The following HOOK3 variants were observed in gnomAD, a reference collection of about 807,000 sequenced individuals.
The protein encoded by HOOK3 is hook microtubule tethering protein 3, also known as protein Hook homolog 3.
In HOOK3, 24 loss-of-function variants were observed where a neutral mutation model predicts 116.3. That is an observed-to-expected ratio of 0.21 (90% CI 0.15 to 0.29). HOOK3 has a LOEUF of 0.29. HOOK3 is among the 10% of genes least tolerant of loss of function. HOOK3 has a pLI of 1.00. For synonymous variants in HOOK3, 275 were observed against 283.0 expected, an observed-to-expected ratio of 0.97 and a Z score of 0.28; for missense variants, 632 against 830.2, an observed-to-expected ratio of 0.76 and a Z score of 2.93.
chr8:43,016,253 G>A (rs1809714008), intron 21 of HOOK3, among the ~76,000 whole-genome samples: 1 of 151,350 alleles, frequency 6.6e-6, no homozygotes, highest in South Asian at 2.1e-4. Context: ...GAGTAGCTGG[G>A]ACTACAGGCG....
rs1173969925 is a variant in HOOK3 at position 43,028,717 on chromosome 8, G to A, written c.*10219G>A. The A allele has an allele frequency of 5.1e-6, 1 of 197,090 alleles. No homozygotes were observed. The highest frequency in any genetic ancestry group is 6.1e-5 in the Admixed American group (1 of 16,490). The allele number at this position is 197,090 out of a possible 1,614,324, so 12.2% of individuals were successfully genotyped here. A position where few individuals can be genotyped will look rare whatever the true frequency, so the allele number is the denominator to read the frequency against. ...TTAATTTACTTGGCCTGCTACTAAAGTGCTTAACATAACTAAATGGATCTA... is the reference window on the plus strand; with the variant it reads ...TTAATTTACTTGGCCTGCTACTAAAATGCTTAACATAACTAAATGGATCTA... On this transcript the variant is annotated 3_prime_UTR_variant, in exon 22 of 22. Transcript: ENST00000307602.
intron 11 of HOOK3, among the ~76,000 whole-genome samples, chr8:42,971,381 C>T (rs973385926): frequency 1.3e-5 from 2 of 152,082 alleles, no homozygotes; most frequent in African/African-American, 4.8e-5. Flanking sequence ...ATTCTCCTGC[C>T]TCAGCCTCCC....
chr8:43,012,389 T>G (rs765667794), intron 19 of HOOK3, among the ~76,000 whole-genome samples: 1 of 152,224 alleles, frequency 6.6e-6, no homozygotes, highest in Non-Finnish European at 1.5e-5. Context: ...TTTCAGCTCC[T>G]TATAATCTTA....
At chr8:42,929,163 A>G (rs965882180) in intron 3 of HOOK3, among the ~76,000 whole-genome samples, 2 of 152,258 alleles carry the variant, frequency 1.3e-5, no homozygotes, top group Non-Finnish European at 2.9e-5. Context: ...AATATTAAAA[A>G]TACGGGAAAA....
intron 15 of HOOK3, chr8:42,994,372 T>C: frequency 2.7e-6 from 1 of 372,846 alleles, no homozygotes; most frequent in Non-Finnish European, 5.2e-6. Context: ...CTCTTCCTTT[T>C]CTAGTTCATT....
chr8:42,962,628 AC>A (rs143664223), intron 8 of HOOK3, among the ~76,000 whole-genome samples: 2,486 of 149,674 alleles, frequency 0.017, 31 homozygotes, highest in Non-Finnish European at 0.023. Flanking sequence ...CTGTTCTCCA[AC>A]TCCTAGCTCA....
chr8:42,942,355 A>G (rs1201845733), intron 4 of HOOK3, among the ~76,000 whole-genome samples: 1 of 152,228 alleles, frequency 6.6e-6, no homozygotes, highest in African/African-American at 2.4e-5. Flanking sequence ...AGCATACCAT[A>G]TGTATATGTA....
Position 43,007,016 on chromosome 8 carries a change from ATTTTTTTTTT to A in HOOK3, c.1656-812_1656-803del, listed in dbSNP as rs58609523. On this transcript the variant is annotated intron_variant, in intron 17 of 21. Transcript: ENST00000307602. ...TAAAGTACACGTCTTAAGTTCCTAG[ATTTTTTTTTT>A]TTTTTTTTTTTTTTTTTTGAGATGG... 1.2e-4 allele frequency among the ~76,000 whole-genome samples: 12 copies of A among 103,278 alleles called. No homozygotes were observed. The South Asian group carries it at 1.6e-3, about 14-fold the overall frequency. 67.8% of individuals were successfully genotyped at this position (103,278 alleles called of 152,430 possible).
chr8:42,991,118 C>T (rs1204204260), intron 15 of HOOK3, among the ~76,000 whole-genome samples: 1 of 152,150 alleles, frequency 6.6e-6, no homozygotes, highest in Non-Finnish European at 1.5e-5. Context: ...AGATTTATCT[C>T]TGACTTCTCT....
chr8:42,925,096 G>T (rs778771681), intron 2 of HOOK3, among the ~76,000 whole-genome samples: 3 of 151,904 alleles, frequency 2.0e-5, no homozygotes, highest in African/African-American at 4.8e-5. Context: ...TTTTTGTTCG[G>T]TTTTTTGTTT....
intron 13 of HOOK3, among the ~76,000 whole-genome samples, chr8:42,975,896 A>T (rs898769176): frequency 1.3e-5 from 2 of 152,130 alleles, no homozygotes; most frequent in South Asian, 4.1e-4. Context: ...TAGTAGAGAC[A>T]GGGTTTCACC....
intron 2 of HOOK3, among the ~76,000 whole-genome samples, chr8:42,918,735 G>A (rs1353672266): frequency 3.9e-5 from 6 of 152,166 alleles, no homozygotes; most frequent in South Asian, 4.1e-4. Context: ...AGAGAGCAAG[G>A]GGTTGGGGGT....
intron 2 of HOOK3, among the ~76,000 whole-genome samples, chr8:42,917,615 T>C (rs1807556786): frequency 6.6e-6 from 1 of 152,216 alleles, no homozygotes; most frequent in Non-Finnish European, 1.5e-5. Context: ...ACCAAATATA[T>C]TTTTTATTAT....
chr8:43,007,774 A>G, intron 17 of HOOK3, 73 bp from the exon 18 acceptor site: 1 of 810,382 alleles, frequency 1.2e-6, no homozygotes, highest in Non-Finnish European at 2.0e-6. Context: ...AAATATAAGG[A>G]ACTCAGATCT....
intron 6 of HOOK3, among the ~76,000 whole-genome samples, chr8:42,955,809 A>T (rs1223580218): frequency 1.3e-5 from 2 of 152,220 alleles, no homozygotes; most frequent in African/African-American, 4.8e-5. Flanking sequence ...TAGGATACCT[A>T]GATTTTTATT....
At chr8:43,017,033 A>G (rs2130495511) in intron 21 of HOOK3, among the ~76,000 whole-genome samples, 1 of 71,596 alleles carries the variant, frequency 1.4e-5, no homozygotes, top group Middle Eastern at 7.4e-3. Flanking sequence ...AAGATAAAAC[A>G]ATGCAAAGCC....
intron 8 of HOOK3, among the ~76,000 whole-genome samples, chr8:42,960,410 C>T (rs548876316): frequency 1.3e-5 from 2 of 152,242 alleles, no homozygotes; most frequent in Admixed American, 1.3e-4. Flanking sequence ...GAAGAGGTAG[C>T]CCTACAGCAT....
intron 21 of HOOK3, among the ~76,000 whole-genome samples, chr8:43,015,163 A>T (rs1435660406): frequency 2.6e-5 from 4 of 152,134 alleles, no homozygotes; most frequent in Admixed American, 2.6e-4. Context: ...CAAAAACTGC[A>T]TATCTAAGAT....
rs1013554251 is a variant in HOOK3, at chr8:43,018,637, T to A, written c.*139T>A. On this transcript the variant is annotated 3_prime_UTR_variant, in exon 22 of 22. Transcript: ENST00000307602. The stretch of plus-strand genomic sequence containing the variant: ...ACTTAGTGTTTCTCATTTTGAGGAC[T>A]TTTTCTCTCTCCTGTATCTTTGTTT... 13 of 825,074 alleles carry A rather than the reference T, an allele frequency of 1.6e-5. No homozygotes were observed. In the Middle Eastern group the frequency reaches 1.2e-3, roughly 76 times the overall value. 51.1% of individuals were successfully genotyped at this position (825,074 alleles called of 1,614,324 possible).
Sources: allele counts gnomAD v4.1 joint callset (sites outside exome capture counted in the v4.1 genomes callset), GRCh38; gene constraint gnomAD v4.1.1; transcripts MANE v1.5; gene names NCBI Gene and HGNC (gene_info 2026-07-23, HGNC 2026-07-21).